Variants in SEC16A observed in about 807,000 individuals in gnomAD.
SEC16A encodes protein transport protein Sec16A.
SEC16A carries 110 observed loss-of-function variants against 221.9 expected under a neutral mutation model. That is an observed-to-expected ratio of 0.50 (90% CI 0.42 to 0.58). SEC16A has a LOEUF of 0.58. SEC16A is among the 20% of genes least tolerant of loss of function. The pLI is 0.00. For missense variants in SEC16A, 3,165 were observed against 3,097.8 expected (o/e 1.02, Z -0.52); for synonymous variants, 1,393 against 1,257.7 (o/e 1.11, Z -2.28).
intron 1 of SEC16A, among the ~76,000 whole-genome samples, chr9:136,482,211 T>C (rs1395655914): frequency 6.6e-6 from 1 of 152,218 alleles, no homozygotes; most frequent in African/African-American, 2.4e-5. Flanking sequence ...TGCAAAAGTA[T>C]CACTTCTAGG....
At chr9:136,443,219 G>T (rs1251269810) in intron 31 of SEC16A, among the ~76,000 whole-genome samples, 1 of 125,330 alleles carries the variant, frequency 8.0e-6, no homozygotes, top group East Asian at 2.0e-4. Context: ...AGCACGGAGG[G>T]CCTCGTGTCG....
rs1320406030 is a variant in SEC16A at position 136,474,721 on chromosome 9, C to T, written c.2895G>A (p.Val965=). 1.9e-6 allele frequency: 3 copies of T among 1,613,770 alleles called. No homozygotes were observed. Among genetic ancestry groups the T allele is most frequent in the African/African-American group, 2.7e-5 (2 of 74,940 alleles). ...GGGTGCCGTGTGCAGGTGGAACTAA[C>T]ACCACACTTGTGCTTCCAGCAGGGC... ...ANSPAGSTSV[V]LVPPAHGTLV... is the part of the protein sequence containing the mutation. Residue 965 remains valine, a synonymous_variant, in exon 3 of 32, where the codon GTG becomes GTA. Transcript: ENST00000684901.
Position 136,477,007 on chromosome 9 carries a change from G to C in SEC16A, c.609C>G (p.Ser203=), listed in dbSNP as rs377007560. Residue 203 remains serine, a synonymous_variant, in exon 3 of 32, where the codon TCC becomes TCG. Coordinates refer to ENST00000684901, the MANE Select transcript of SEC16A (RefSeq NM_014866.2). The part of the protein sequence containing the change: ...DGVVTPAASP[S]LPQPGLQMPG... ...GCATCTGCAGACCAGGCTGAGGGAG[G>C]GAAGGGGATGCTGCTGGGGTGACCA... The C allele has an allele frequency of 2.2e-5, 36 of 1,613,446 alleles. No individual in the cohort carries two copies. Among genetic ancestry groups the C allele is most frequent in the Non-Finnish European group, 2.9e-5 (34 of 1,179,900 alleles).
At position 136,477,234 on chromosome 9, in the gene SEC16A, A is replaced by C. The variant is rs373239822; in HGVS notation, c.382T>G (p.Leu128Val). 3 of 1,613,922 alleles carry C rather than the reference A, an allele frequency of 1.9e-6. No individual in the cohort carries two copies. The South Asian group carries it at 3.3e-5, about 18-fold the overall frequency. Reference protein sequence around the residue: ...RAHASPFSGALTPSAPPGPEM... With the variant: ...RAHASPFSGAVTPSAPPGPEM... ...GGCCCAGGAGGTGCTGAAGGTGTCA[A>C]TGCACCAGAAAACGGACTGGCATGT... Residue 128 changes from leucine to valine, a missense_variant, in exon 3 of 32, where the codon TTG (leucine) becomes GTG (valine). By Grantham distance (32) the Leu-to-Val change is conservative. This residue lies in a region of SEC16A where 2,030 missense variants were observed against 1,923.1 expected (regional missense o/e 1.06). Transcript: ENST00000684901.
At chr9:136,452,523 G>C (rs1333426508) in intron 22 of SEC16A, among the ~76,000 whole-genome samples, 1 of 148,438 alleles carries the variant, frequency 6.7e-6, no homozygotes, top group African/African-American at 2.5e-5. Context: ...CCAGCACTTT[G>C]GGAGGCTGAG....
chr9:136,455,536 G>A (rs941390341), intron 20 of SEC16A, 65 bp downstream of exon 20: 189 of 1,435,748 alleles, frequency 1.3e-4, no homozygotes, highest in Non-Finnish European at 1.6e-4. Context: ...AAGGGTGCAG[G>A]CCATGGCTCA....
intron 23 of SEC16A, among the ~76,000 whole-genome samples, chr9:136,450,830 A>G (rs1837685340): frequency 6.6e-6 from 1 of 152,210 alleles, no homozygotes; most frequent in African/African-American, 2.4e-5. Context: ...AAGAAAAACA[A>G]GCGCATTCGC....
rs1370902032 is a variant in SEC16A at position 136,459,776 on chromosome 9, A to G, written c.5172T>C (p.Ala1724=). The change falls in exon 15 of 32, where the codon GCT becomes GCC. Residue 1724 remains alanine (A), a synonymous_variant. Coordinates refer to ENST00000684901, the MANE Select transcript of SEC16A (RefSeq NM_014866.2). This position sits in a 1 kb window ranked among gnomAD's most constrained non-coding sequence, Gnocchi z 6.1. ...ACCTACCCAGAGTGTCGCCCATGGTAGCCATCGTCCTGGACTCGACGTCCA... is the reference window on the plus strand; with the variant it reads ...ACCTACCCAGAGTGTCGCCCATGGTGGCCATCGTCCTGGACTCGACGTCCA... ...NNMDVESRTM[A]TMGDTLASRG... is the part of the protein sequence containing the mutation. The G allele has an allele frequency of 6.2e-7, 1 of 1,611,230 alleles. No homozygotes were observed. Among genetic ancestry groups the G allele is most frequent in the South Asian group, 1.1e-5 (1 of 90,342 alleles).
chr9:136,482,889 C>T (rs1225693151), intron 1 of SEC16A, 49 bp downstream of exon 1: 1 of 818,530 alleles, frequency 1.2e-6, no homozygotes, highest in Non-Finnish European at 1.5e-6. Flanking sequence ...GGCCGGCCTC[C>T]GCCTTCCTCC....
chr9:136,459,007 G>T lies in SEC16A; in HGVS notation c.5409+127C>A. ...CATTTTAGATCAAATGTCTTCTCAA[G>T]ATCCTCCCCCAAAAAACTCACATCA... On this transcript the variant is annotated intron_variant, in intron 17 of 31. Coordinates refer to ENST00000684901, the MANE Select transcript of SEC16A (RefSeq NM_014866.2). The surrounding 1 kb of genome is among the most constrained non-coding windows in gnomAD (Gnocchi z 6.1). The T allele has an allele frequency of 1.7e-6, 1 of 580,224 alleles. No homozygotes were observed. Among genetic ancestry groups the T allele is most frequent in the Non-Finnish European group, 3.0e-6 (1 of 332,372 alleles). 35.9% of individuals were successfully genotyped at this position (580,224 alleles called of 1,614,324 possible). A position where few individuals can be genotyped will look rare whatever the true frequency, so the allele number is the denominator to read the frequency against.
chr9:136,460,488 A>C (rs747220845), intron 13 of SEC16A, among the ~76,000 whole-genome samples: 2 of 151,818 alleles, frequency 1.3e-5, no homozygotes, highest in East Asian at 1.9e-4. Context: ...TAATAAAATA[A>C]ATTTTTTAAA....
intron 4 of SEC16A, among the ~76,000 whole-genome samples, chr9:136,471,367 G>A (rs1391095940): frequency 1.3e-5 from 2 of 152,114 alleles, no homozygotes; most frequent in Non-Finnish European, 2.9e-5. Context: ...CCAGCTCCTC[G>A]GGAGGTTGAA....
rs2132938016 is a variant in SEC16A, at chr9:136,476,342, T to C, written c.1274A>G (p.Gln425Arg). The change falls in exon 3 of 32, where the codon CAG becomes CGG. Residue 425 changes from glutamine to arginine, a missense_variant. Gln to Arg is a conservative substitution (Grantham distance 43). Transcript: ENST00000684901. Reference sequence around the variant, plus strand: ...ATTGCTGGGGCCTGGGAGAAGGGCCTGGCAGAGGCTGCCTGCCCCCACGTG... The same window carrying C: ...ATTGCTGGGGCCTGGGAGAAGGGCCCGGCAGAGGCTGCCTGCCCCCACGTG... ...PTHVGAGSLC[Q>R]ALLPGPSNEA... is the part of the protein sequence containing the mutation. 1.9e-6 allele frequency: 3 copies of C among 1,611,940 alleles called. No homozygotes were observed. The South Asian group carries it at 3.3e-5, about 18-fold the overall frequency.
In SEC16A at chr9:136,466,113, A is replaced by G; in HGVS notation, c.4152T>C (p.Asn1384=). ...SHQSQIYRSH[N]VAAGSYEAPL... The stretch of plus-strand genomic sequence containing the variant: ...GGGCCTCGTAGGAACCGGCAGCCAC[A>G]TTGTGGCTTCTGTAAATCTGACTCT... Residue 1384 remains asparagine (N), a synonymous_variant, in exon 8 of 32, where the codon AAT becomes AAC. Transcript: ENST00000684901. The surrounding 1 kb of genome is among the most constrained non-coding windows in gnomAD (Gnocchi z 5.5). 1.2e-6 allele frequency: 2 copies of G among 1,602,610 alleles called. No individual in the cohort carries two copies. The highest frequency in any genetic ancestry group is 2.2e-5 in the East Asian group (1 of 44,684).
At chr9:136,480,701 C>A (rs1842206620) in intron 1 of SEC16A, among the ~76,000 whole-genome samples, 1 of 152,112 alleles carries the variant, frequency 6.6e-6, no homozygotes, top group African/African-American at 2.4e-5. Flanking sequence ...ACCATCCTGG[C>A]TAACACGGTG....
intron 1 of SEC16A, 87 bp downstream of exon 1, chr9:136,482,851 G>T: frequency 2.2e-6 from 1 of 449,206 alleles, no homozygotes; most frequent in Non-Finnish European, 3.0e-6. Flanking sequence ...TCTCCTCCGC[G>T]CCCCGACCTC....
rs966138571 is a variant in SEC16A, at chr9:136,457,667, G to C, written c.5410-83C>G. On this transcript the variant is annotated intron_variant, in intron 17 of 31. Coordinates refer to ENST00000684901, the MANE Select transcript of SEC16A (RefSeq NM_014866.2). The stretch of plus-strand genomic sequence containing the variant: ...GGACAAAGCCTTGTACTGCCCTGAG[G>C]CTCCCCTGCATCCGAGCATCGCCCT... 75 of 1,486,066 alleles carry C rather than the reference G, an allele frequency of 5.0e-5. No individual in the cohort carries two copies. The East Asian group carries it at 1.8e-3, about 36-fold the overall frequency. 92.1% of individuals were successfully genotyped at this position (1,486,066 alleles called of 1,614,324 possible).
At chr9:136,481,893 G>A (rs1842412846) in intron 1 of SEC16A, among the ~76,000 whole-genome samples, 1 of 152,062 alleles carries the variant, frequency 6.6e-6, no homozygotes, top group African/African-American at 2.4e-5. Flanking sequence ...TGAAAATGAC[G>A]AAGACCCTGG....
In SEC16A at chr9:136,459,146, C is replaced by T. The variant is rs370343675; in HGVS notation, c.5397G>A (p.Leu1799=). 1.2e-6 allele frequency: 2 copies of T among 1,609,218 alleles called. No individual in the cohort carries two copies. Among genetic ancestry groups the T allele is most frequent in the African/African-American group, 2.7e-5 (2 of 74,932 alleles). Reference sequence around the variant, plus strand: ...AGCACCTGCTTACCTGGAAACTAGGCAGGGGGCAGGTCTCGGCACCCAGGG... The same window carrying T: ...AGCACCTGCTTACCTGGAAACTAGGTAGGGGGCAGGTCTCGGCACCCAGGG... ...AQSLGAETCP[L]PSFQVFKFIY... The change falls in exon 17 of 32, where the codon CTG becomes CTA. Residue 1799 remains leucine (L), a synonymous_variant. Coordinates refer to ENST00000684901, the MANE Select transcript of SEC16A (RefSeq NM_014866.2). The surrounding 1 kb of genome is among the most constrained non-coding windows in gnomAD (Gnocchi z 6.1).
Sources: allele counts gnomAD v4.1 joint callset (sites outside exome capture counted in the v4.1 genomes callset), GRCh38; gene constraint gnomAD v4.1.1; regional missense constraint gnomAD v4.1.1; non-coding constraint Gnocchi (gnomAD v3.1); transcripts MANE v1.5; gene names NCBI Gene and HGNC (gene_info 2026-07-23, HGNC 2026-07-21).